GTF2IRD2: variants seen among roughly 807,000 people sequenced by gnomAD.
GTF2IRD2 encodes GTF2I repeat domain containing 2.
In GTF2IRD2, 8 loss-of-function variants were observed where a neutral mutation model predicts 49.2. That is an observed-to-expected ratio of 0.16 (90% CI 0.10 to 0.29). GTF2IRD2 has a LOEUF of 0.29. Ranked by LOEUF, GTF2IRD2 falls within the 10% of genes least tolerant of loss-of-function variation. The pLI is 1.00. For synonymous variants in GTF2IRD2, 47 were observed against 289.7 expected, an observed-to-expected ratio of 0.16 and a Z score of 8.51; for missense variants, 130 against 725.7, an observed-to-expected ratio of 0.18 and a Z score of 9.43.
chr7:74,830,874 TAAAAG>T (rs1359459044), intron 3 of GTF2IRD2, among the ~76,000 whole-genome samples: 2 of 116,166 alleles, frequency 1.7e-5, no homozygotes, highest in South Asian at 6.7e-4. Context: ...TTGACATTAT[TAAAAG>T]AAAAGAAAAT....
chr7:74,825,536 T>C (rs1434541529), intron 3 of GTF2IRD2, among the ~76,000 whole-genome samples: 2 of 135,240 alleles, frequency 1.5e-5, no homozygotes, highest in African/African-American at 5.5e-5. Flanking sequence ...TGTGAGGCAC[T>C]GCACCCATCC....
chr7:74,840,041 C>G (rs1554421563), intron 1 of GTF2IRD2, among the ~76,000 whole-genome samples: 2 of 147,098 alleles, frequency 1.4e-5, no homozygotes, highest in African/African-American at 5.1e-5. Flanking sequence ...GCCCAAGGGG[C>G]ACCCCTGGTG....
intron 3 of GTF2IRD2, among the ~76,000 whole-genome samples, chr7:74,826,805 G>A (rs1332484260): frequency 2.2e-5 from 3 of 137,142 alleles, no homozygotes; most frequent in East Asian, 2.1e-4. Context: ...TCTGCCTCCC[G>A]GGTTCAAGCA....
intron 3 of GTF2IRD2, among the ~76,000 whole-genome samples, chr7:74,831,837 C>A (rs1799893654): frequency 3.0e-5 from 1 of 32,932 alleles, no homozygotes; most frequent in Non-Finnish European, 5.5e-5. Flanking sequence ...GCCACCACGC[C>A]CATCTAATTT....
At position 74,822,789 on chromosome 7, in the gene GTF2IRD2, G is replaced by A; in HGVS notation, c.377C>T (p.Thr126Ile). The stretch of plus-strand genomic sequence containing the variant: ...CTCATAGGGAACAGGCACCATCACT[G>A]TTGTCCCTAAGGCTTTACCTACAAG... ...CFCYGKALGT[T>I]VMVPVPYEKM... Residue 126 changes from threonine to isoleucine, a missense_variant, in exon 5 of 16, where the codon ACA becomes ATA. Physicochemically the swap from Thr to Ile is moderately conservative, Grantham distance 89. Coordinates refer to ENST00000451013, the MANE Select transcript of GTF2IRD2 (RefSeq NM_173537.5). 6.5e-7 allele frequency: 1 copy of A among 1,537,788 alleles called. No homozygotes were observed. Among genetic ancestry groups the A allele is most frequent in the Non-Finnish European group, 8.8e-7 (1 of 1,141,050 alleles).
rs1299733007 is a variant in GTF2IRD2 at position 74,833,155 on chromosome 7, T to C, written c.100-212A>G. Among the ~76,000 whole-genome samples the C allele has an allele frequency of 2.6e-3, 225 of 86,940 alleles. 5 individuals are homozygous for C. The highest frequency in any genetic ancestry group is 9.4e-3 in the African/African-American group (214 of 22,688). 57.0% of individuals were successfully genotyped at this position (86,940 alleles called of 152,430 possible). ...GCAAGCTCCGCCTCCCGGGTTCATGTCATTCTCCGGCCTCAGCCTCCTGAG... is the reference window on the plus strand; with the variant it reads ...GCAAGCTCCGCCTCCCGGGTTCATGCCATTCTCCGGCCTCAGCCTCCTGAG... On this transcript the variant is annotated intron_variant, in intron 2 of 15. Coordinates refer to ENST00000451013, the MANE Select transcript of GTF2IRD2 (RefSeq NM_173537.5).
chr7:74,800,249 T>C (rs1484042265), intron 15 of GTF2IRD2, among the ~76,000 whole-genome samples: 41 of 140,264 alleles, frequency 2.9e-4, no homozygotes, highest in South Asian at 1.9e-3. Flanking sequence ...AGTCTTGCTC[T>C]GTCACCAAAC....
chr7:74,808,701 T>C lies in GTF2IRD2; in HGVS notation c.871+407A>G, dbSNP rs188402890. ...GGGAATGGCTGCTCTATTATATATA[T>C]ACATTATACTACATTAGAGATTTCA... On this transcript the variant is annotated intron_variant, in intron 11 of 15. Coordinates refer to ENST00000451013, the MANE Select transcript of GTF2IRD2 (RefSeq NM_173537.5). 5.2e-4 allele frequency among the ~76,000 whole-genome samples: 43 copies of C among 83,182 alleles called. 1 individual carries two copies. The highest frequency in any genetic ancestry group is 1.4e-3 in the Admixed American group (8 of 5,920). 54.6% of individuals were successfully genotyped at this position (83,182 alleles called of 152,430 possible).
At chr7:74,831,663 G>A (rs1457726234) in intron 3 of GTF2IRD2, among the ~76,000 whole-genome samples, 1 of 107,362 alleles carries the variant, frequency 9.3e-6, no homozygotes, top group South Asian at 3.6e-4. Flanking sequence ...CACCATAAAA[G>A]GTGTAGTTTT....
rs147678344 is a variant in GTF2IRD2, at chr7:74,798,179, G to A, written c.1333C>T (p.Pro445Ser). ...CTTTGTTTGCATATGAGACATGTTG[G>A]AATATTCTGTACTTCCACGAAGAAA... is the stretch of plus-strand genomic sequence containing the variant. ...AYFFVEVQNI[P>S]TCLICKQSMS... The change falls in exon 16 of 16, where the codon CCA becomes TCA. Residue 445 changes from proline to serine, a missense_variant. By Grantham distance (74) the Pro-to-Ser change is moderately conservative (BLOSUM62 -1). Transcript: ENST00000451013. 12,327 of 986,612 alleles carry A rather than the reference G, an allele frequency of 0.012. 119 individuals are homozygous for A. Among genetic ancestry groups the A allele is most frequent in the Middle Eastern group, 0.04 (175 of 4,354 alleles). The allele number at this position is 986,612 out of a possible 1,614,324, so 61.1% of individuals were successfully genotyped here.
Position 74,822,455 on chromosome 7 carries a change from T to G in GTF2IRD2, c.543A>C (p.Arg181Ser). 3 of 862,504 alleles carry G rather than the reference T, an allele frequency of 3.5e-6. No homozygotes were observed. The highest frequency in any genetic ancestry group is 3.7e-6 in the Non-Finnish European group (2 of 545,498). The allele number at this position is 862,504 out of a possible 1,614,324, so 53.4% of individuals were successfully genotyped here. A position where few individuals can be genotyped will look rare whatever the true frequency, so the allele number is the denominator to read the frequency against. ...GCTGACTCTCTGGTCCTAGGAAGGG[T>G]CTGCAAGAAAAGCAACACCATTACC... ...NKAGISFIIN[R>S]PFLGPESQLG... The change falls in exon 6 of 16, where the codon AGA becomes AGC. Residue 181 changes from arginine (R) to serine (S), a missense_variant and splice_region_variant. Transcript: ENST00000451013.
At chr7:74,844,357 TTTTTTTATTTA>T (rs1801084560) in intron 1 of GTF2IRD2, among the ~76,000 whole-genome samples, 1 of 12,984 alleles carries the variant, frequency 7.7e-5, no homozygotes, top group Non-Finnish European at 1.4e-4. Context: ...AGGATTATGT[TTTTTTTATTTA>T]TTTATTTATT....
intron 2 of GTF2IRD2, among the ~76,000 whole-genome samples, chr7:74,835,910 G>A (rs1460628097): frequency 8.3e-6 from 1 of 120,852 alleles, no homozygotes; most frequent in African/African-American, 5.1e-5. Context: ...GCTTGAACCC[G>A]GGAGGCGGAG....
intron 3 of GTF2IRD2, among the ~76,000 whole-genome samples, chr7:74,831,438 G>GAC (rs782567944): frequency 0.011 from 1,168 of 110,754 alleles, 1 homozygote; most frequent in East Asian, 0.026. Flanking sequence ...TACACACACA[G>GAC]ACACACACAC....
At position 74,839,894 on chromosome 7, in the gene GTF2IRD2, G is replaced by A. The variant is rs587614930; in HGVS notation, c.-5-3511C>T. On this transcript the variant is annotated intron_variant, in intron 1 of 15. Coordinates refer to ENST00000451013, the MANE Select transcript of GTF2IRD2 (RefSeq NM_173537.5). ...AGACACCTGTAATCCCAGCTACTCC[G>A]GAGGCTGAGGCAGGAGAATTGCTTG... is the stretch of plus-strand genomic sequence containing the variant. Among the ~76,000 whole-genome samples the A allele has an allele frequency of 2.4e-3, 319 of 131,590 alleles. 6 individuals carry two copies. Among genetic ancestry groups the A allele is most frequent in the African/African-American group, 8.5e-3 (277 of 32,492 alleles). The allele number at this position is 131,590 out of a possible 152,430, so 86.3% of individuals were successfully genotyped here.
At chr7:74,799,011 CTTTTTT>C (rs1286153945) in intron 15 of GTF2IRD2, 31 of 129,204 alleles carry the variant, frequency 2.4e-4, no homozygotes, top group Admixed American at 7.3e-4. Flanking sequence ...TTTTCTTTTT[CTTTTTT>C]TTTTTTTTTT....
At chr7:74,841,901 G>A (rs587719359) in intron 1 of GTF2IRD2, among the ~76,000 whole-genome samples, 2 of 139,708 alleles carry the variant, frequency 1.4e-5, no homozygotes, top group Non-Finnish European at 3.0e-5. Flanking sequence ...CGAGGCGGAC[G>A]GATCACGAGG....
intron 2 of GTF2IRD2, among the ~76,000 whole-genome samples, chr7:74,836,040 T>C (rs1287090889): frequency 7.6e-6 from 1 of 131,706 alleles, no homozygotes; most frequent in East Asian, 2.0e-4. Flanking sequence ...TAATCCCAGC[T>C]ACCCAGGAGG....
At chr7:74,826,901 G>A (rs1216297189) in intron 3 of GTF2IRD2, among the ~76,000 whole-genome samples, 9 of 147,452 alleles carry the variant, frequency 6.1e-5, no homozygotes, top group African/African-American at 1.0e-4. Flanking sequence ...TAGTAGAGAC[G>A]AGGTTTCGCC....
Sources: gnomAD v4.1 joint callset for allele counts (sites outside exome capture counted in the v4.1 genomes callset) on GRCh38, gnomAD v4.1.1 for gene constraint, MANE v1.5 for transcripts, NCBI Gene and HGNC (gene_info 2026-07-23, HGNC 2026-07-21) for gene names.